Variants in NAV2 observed in about 807,000 individuals in gnomAD.
NAV2 encodes helicase, APC down-regulated 1.
A neutral mutation model predicts 223.2 loss-of-function variants in NAV2; 54 were observed. The observed-to-expected ratio is 0.24, with a 90% CI of 0.19 to 0.30. The LOEUF (loss-of-function observed/expected upper bound fraction) is 0.30, where lower values mean the gene tolerates loss of function less well. NAV2 is among the 10% of genes least tolerant of loss of function. The pLI is 1.00. For synonymous variants in NAV2, 1,279 were observed against 1,239.3 expected, an observed-to-expected ratio of 1.03 and a Z score of -0.67; for missense variants, 2,806 against 3,147.5, an observed-to-expected ratio of 0.89 and a Z score of 2.60.
intron 2 of NAV2, among the ~76,000 whole-genome samples, chr11:19,834,116 T>A (rs975005685): frequency 6.6e-6 from 1 of 152,242 alleles, no homozygotes; most frequent in African/African-American, 2.4e-5. Flanking sequence ...AATACCAAAG[T>A]GCAGGCATCA....
At chr11:19,772,879 C>T (rs1307368697) in intron 1 of NAV2, among the ~76,000 whole-genome samples, 1 of 152,152 alleles carries the variant, frequency 6.6e-6, no homozygotes, top group Non-Finnish European at 1.5e-5. Context: ...CCCTGTTAAA[C>T]TGAAATATGT....
chr11:19,395,543 C>T (rs1339621853), intron 1 of NAV2, among the ~76,000 whole-genome samples: 1 of 152,236 alleles, frequency 6.6e-6, no homozygotes, highest in East Asian at 1.9e-4. Flanking sequence ...ACCAAGGAGA[C>T]ATCATCTTTG....
chr11:19,621,653 T>C (rs932859586), intron 1 of NAV2, among the ~76,000 whole-genome samples: 9 of 152,222 alleles, frequency 5.9e-5, no homozygotes, highest in Non-Finnish European at 1.3e-4. Context: ...TCATTCCTTC[T>C]TTATTAGTCT....
chr11:19,618,400 A>T (rs144471572), intron 1 of NAV2, among the ~76,000 whole-genome samples: 1 of 66,588 alleles, frequency 1.5e-5, no homozygotes. Flanking sequence ...ATGGATGAAT[A>T]GATGGATGGA....
intron 10 of NAV2, among the ~76,000 whole-genome samples, chr11:19,959,862 C>T (rs1190696025): frequency 6.6e-6 from 1 of 152,026 alleles, no homozygotes; most frequent in East Asian, 1.9e-4. Flanking sequence ...CAAGGTGCTC[C>T]TTCTTCCCCC....
rs1406453980 is a variant in NAV2, at chr11:19,961,025, C to G, written c.2645+11945C>G. 6.6e-5 allele frequency among the ~76,000 whole-genome samples: 10 copies of G among 152,290 alleles called. No individual in the cohort carries two copies. In the South Asian group the frequency reaches 2.1e-3, roughly 32 times the overall value. ...AGACCCGAGGGCTCACAGACAGTCC[C>G]TGAGCCCCCCTGTTTTTCCTGCTAA... On this transcript the variant is annotated intron_variant, in intron 10 of 37. Transcript: ENST00000349880.
chr11:19,455,734 A>G (rs1174867895), intron 1 of NAV2, among the ~76,000 whole-genome samples: 5 of 152,228 alleles, frequency 3.3e-5, no homozygotes, highest in Admixed American at 2.6e-4. Context: ...CAAAACTATG[A>G]TAATTCCTCC....
chr11:19,868,867 G>T (rs1192715546), intron 3 of NAV2, 58 bp from the exon 4 acceptor site: 2 of 1,551,010 alleles, frequency 1.3e-6, no homozygotes, highest in Middle Eastern at 1.7e-4. Context: ...CCTCATAAGA[G>T]ATGGCTCTGG....
chr11:19,492,788 G>A (rs1207358571), intron 1 of NAV2, among the ~76,000 whole-genome samples: 1 of 152,090 alleles, frequency 6.6e-6, no homozygotes, highest in Non-Finnish European at 1.5e-5. Context: ...AATGCTTAAA[G>A]TCACATGGAC....
At position 19,377,013 on chromosome 11, in the gene NAV2, C is replaced by CT. The variant is rs1848663395; in HGVS notation, c.75+25989dup. On this transcript the variant is annotated intron_variant, in intron 1 of 37. Transcript: ENST00000360655. ...GGGAAAGGCATTCCCAGTGAAGGAA[C>CT]TTTGAGTGGTAAGGTGACCCAGAGA... Among the ~76,000 whole-genome samples, 7 of 152,304 alleles carry CT rather than the reference C, an allele frequency of 4.6e-5. No homozygotes were observed. In the South Asian group the frequency reaches 1.5e-3, roughly 32 times the overall value.
chr11:19,865,584 T>C (rs565238893), intron 3 of NAV2, among the ~76,000 whole-genome samples: 3 of 152,270 alleles, frequency 2.0e-5, no homozygotes, highest in African/African-American at 7.2e-5. Context: ...TAATGGAATA[T>C]TATTAAAGAG....
chr11:19,816,925 G>A (rs1285931085), intron 1 of NAV2, among the ~76,000 whole-genome samples: 4 of 151,766 alleles, frequency 2.6e-5, no homozygotes, highest in Non-Finnish European at 4.4e-5. Context: ...CTGTGCCTTC[G>A]GTCACAGCCC....
intron 26 of NAV2, among the ~76,000 whole-genome samples, chr11:20,087,874 G>T (rs144149829): frequency 6.6e-6 from 1 of 152,098 alleles, no homozygotes; most frequent in Admixed American, 6.5e-5. Flanking sequence ...CCTCTTCATG[G>T]AGTGAGTAAT....
chr11:19,560,479 T>C (rs1156607199), intron 1 of NAV2, among the ~76,000 whole-genome samples: 1 of 152,196 alleles, frequency 6.6e-6, no homozygotes, highest in African/African-American at 2.4e-5. Context: ...TAACGAGCAA[T>C]GTGCCTCAGA....
At chr11:19,480,654 C>G (rs1208692908) in intron 1 of NAV2, among the ~76,000 whole-genome samples, 1 of 152,214 alleles carries the variant, frequency 6.6e-6, no homozygotes, top group Non-Finnish European at 1.5e-5. Context: ...TAATCAGCAT[C>G]ATCTGACATT....
At position 20,042,610 on chromosome 11, in the gene NAV2, C is replaced by G. The variant is rs531351994; in HGVS notation, c.2908-1371C>G. 7.9e-5 allele frequency among the ~76,000 whole-genome samples: 12 copies of G among 152,222 alleles called. No homozygotes were observed. In the South Asian group the frequency reaches 2.3e-3, roughly 29 times the overall value. On this transcript the variant is annotated intron_variant, in intron 12 of 37. Coordinates refer to ENST00000349880, the MANE Select transcript of NAV2 (RefSeq NM_145117.5). ...TGGGGAGGCGATTGAACTTGGGCTG[C>G]CTATCTGTTTTTAGCTTTTATCCCA...
intron 1 of NAV2, among the ~76,000 whole-genome samples, chr11:19,628,355 G>A (rs993497891): frequency 1.3e-5 from 2 of 152,216 alleles, no homozygotes; most frequent in Admixed American, 6.5e-5. Flanking sequence ...AGAGCCAAGC[G>A]TAGTGCAGGG....
intron 1 of NAV2, among the ~76,000 whole-genome samples, chr11:19,617,157 A>G (rs1477635003): frequency 6.6e-6 from 1 of 152,106 alleles, no homozygotes; most frequent in Non-Finnish European, 1.5e-5. Context: ...TTTTCTTTCT[A>G]GGAAAAGGGC....
At chr11:19,666,084 A>G (rs1244934048) in intron 1 of NAV2, among the ~76,000 whole-genome samples, 1 of 152,222 alleles carries the variant, frequency 6.6e-6, no homozygotes, top group Non-Finnish European at 1.5e-5. Context: ...CTACAAGTAA[A>G]ATAAAACTGA....
Sources: allele counts gnomAD v4.1 joint callset (sites outside exome capture counted in the v4.1 genomes callset), GRCh38; gene constraint gnomAD v4.1.1; transcripts MANE v1.5; gene names NCBI Gene and HGNC (gene_info 2026-07-23, HGNC 2026-07-21).